KIRREL3: variants seen among roughly 807,000 people sequenced by gnomAD.
KIRREL3 encodes the protein kin of IRRE-like protein 3.
Under a neutral mutation model 89.7 loss-of-function variants are expected in KIRREL3, and 36 were observed. That is an observed-to-expected ratio of 0.40 (90% CI 0.31 to 0.53). The LOEUF (loss-of-function observed/expected upper bound fraction) is 0.53, where lower values mean the gene tolerates loss of function less well. Ranked by LOEUF, KIRREL3 falls within the 20% of genes least tolerant of loss-of-function variation. The probability of loss-of-function intolerance (pLI) is 0.49; values close to 1 mark genes in which losing one functional copy is unlikely to be tolerated. For missense variants in KIRREL3, 864 were observed against 1,056.6 expected (o/e 0.82, Z 2.53); for synonymous variants, 445 against 441.4 (o/e 1.01, Z -0.10).
At chr11:126,662,713 A>C (rs1487453446) in intron 1 of KIRREL3, among the ~76,000 whole-genome samples, 1 of 152,172 alleles carries the variant, frequency 6.6e-6, no homozygotes, top group African/African-American at 2.4e-5. Context: ...TTAGGTTTCA[A>C]CATGAATTTT....
At chr11:126,529,602 CAAAA>C (rs57667466) in intron 2 of KIRREL3, among the ~76,000 whole-genome samples, 1 of 111,798 alleles carries the variant, frequency 8.9e-6, no homozygotes, top group African/African-American at 3.0e-5. Context: ...GACTCGGTCT[CAAAA>C]AAAAAAAAAA....
At position 126,981,805 on chromosome 11, in the gene KIRREL3, T is replaced by C. The variant is rs755513333; in HGVS notation, c.55+18650A>G. 2.6e-5 allele frequency among the ~76,000 whole-genome samples: 4 copies of C among 152,174 alleles called. No individual in the cohort carries two copies. The highest frequency in any genetic ancestry group is 4.4e-5 in the Non-Finnish European group (3 of 67,986). On this transcript the variant is annotated intron_variant, in intron 1 of 16. Coordinates refer to ENST00000525144, the MANE Select transcript of KIRREL3 (RefSeq NM_032531.4). This position sits in a 1 kb window ranked among gnomAD's most constrained non-coding sequence, Gnocchi z 4.2. ...GTGCCTCCCAGCTCTAGGCCTGAGGTTTCTGTTGACAGTGCCTGGAGGAGC... is the reference window on the plus strand; with the variant it reads ...GTGCCTCCCAGCTCTAGGCCTGAGGCTTCTGTTGACAGTGCCTGGAGGAGC...
At chr11:126,511,907 G>T (rs1026684961) in intron 4 of KIRREL3, among the ~76,000 whole-genome samples, 11 of 152,188 alleles carry the variant, frequency 7.2e-5, no homozygotes, top group African/African-American at 2.7e-4. Context: ...CCCTCAGAGG[G>T]CTCCCTGTGC....
rs148642393 is a variant in KIRREL3 at position 126,788,807 on chromosome 11, G to A, written c.55+211648C>T. Among the ~76,000 whole-genome samples, 190 of 152,290 alleles carry A rather than the reference G, an allele frequency of 1.2e-3. No individual in the cohort carries two copies. Among genetic ancestry groups the A allele is most frequent in the African/African-American group, 4.4e-3 (182 of 41,560 alleles). ...TTGTATTATCCGCATCATAGGGCAA[G>A]GAGAGAGAAATAATAGACTCTTCGG... On this transcript the variant is annotated intron_variant, in intron 1 of 16. Transcript: ENST00000525144. This position sits in a 1 kb window ranked among gnomAD's most constrained non-coding sequence, Gnocchi z 4.1.
In KIRREL3 at chr11:126,459,790, T is replaced by G. The variant is rs117740881; in HGVS notation, c.743-3336A>C. On this transcript the variant is annotated intron_variant, in intron 6 of 16. Transcript: ENST00000525144. The surrounding 1 kb of genome is among the most constrained non-coding windows in gnomAD (Gnocchi z 4.8). ...GAGGAGAGGGTGGGAAAAGAGAGAA[T>G]CTTCATGACTCAGTGATTTTGTAGC... 2.6e-5 allele frequency among the ~76,000 whole-genome samples: 4 copies of G among 152,198 alleles called. No individual in the cohort carries two copies. In the East Asian group the frequency reaches 7.7e-4, roughly 29 times the overall value.
rs1939793483 is a variant in KIRREL3, at chr11:126,557,548, G to T, written c.133+5287C>A. Among the ~76,000 whole-genome samples, 1 of 152,142 alleles carries T rather than the reference G, an allele frequency of 6.6e-6. No homozygotes were observed. The highest frequency in any genetic ancestry group is 2.1e-4 in the South Asian group (1 of 4,832). On this transcript the variant is annotated intron_variant, in intron 2 of 16. Transcript: ENST00000525144. The surrounding 1 kb of genome is among the most constrained non-coding windows in gnomAD (Gnocchi z 5.6). Reference sequence around the variant, plus strand: ...GGACTTGCCCAAGCTCACACAGCCGGCTCCTCACTCTTAAGTGCTCCTCCC... The same window carrying T: ...GGACTTGCCCAAGCTCACACAGCCGTCTCCTCACTCTTAAGTGCTCCTCCC...
In KIRREL3 at chr11:126,780,203, G is replaced by T. The variant is rs1431743245; in HGVS notation, c.56-217291C>A. On this transcript the variant is annotated intron_variant, in intron 1 of 16. Coordinates refer to ENST00000525144, the MANE Select transcript of KIRREL3 (RefSeq NM_032531.4). The surrounding 1 kb of genome is among the most constrained non-coding windows in gnomAD (Gnocchi z 5.3). ...AGGAAAACAGGAAAAGACTGCAGAA[G>T]GAAGAAGATAAGGAAGCAACAGAAA... Among the ~76,000 whole-genome samples, 1 of 152,182 alleles carries T rather than the reference G, an allele frequency of 6.6e-6. No homozygotes were observed. The highest frequency in any genetic ancestry group is 2.4e-5 in the African/African-American group (1 of 41,450).
chr11:126,632,197 A>G (rs554231847), intron 1 of KIRREL3, among the ~76,000 whole-genome samples: 1 of 152,358 alleles, frequency 6.6e-6, no homozygotes, highest in South Asian at 2.1e-4. Context: ...TGAGGACCAC[A>G]GATATAAGGC....
chr11:126,846,229 C>G lies in KIRREL3; in HGVS notation c.55+154226G>C, dbSNP rs12270621. ...CTTAATTTCTGGAGATCTGTATTGC[C>G]TTCCAGTTGTGCCTGCTTATTAGGC... On this transcript the variant is annotated intron_variant, in intron 1 of 16. Transcript: ENST00000525144. Among the ~76,000 whole-genome samples the G allele has an allele frequency of 6.0e-3, 908 of 152,222 alleles. 11 individuals are homozygous for G. Among genetic ancestry groups the G allele is most frequent in the African/African-American group, 0.021 (863 of 41,534 alleles).
intron 4 of KIRREL3, among the ~76,000 whole-genome samples, chr11:126,517,116 G>A (rs1224466213): frequency 6.9e-6 from 1 of 144,074 alleles, no homozygotes; most frequent in Non-Finnish European, 1.5e-5. Flanking sequence ...CACTGTTAGA[G>A]ATTGAGAGAG....
Position 126,527,281 on chromosome 11 carries a change from G to A in KIRREL3, c.134-594C>T, listed in dbSNP as rs756498536. On this transcript the variant is annotated intron_variant, in intron 2 of 16. Transcript: ENST00000525144. The surrounding 1 kb of genome is among the most constrained non-coding windows in gnomAD (Gnocchi z 4.2). ...CTGAGGAGGCGTGCCATCCTACCGTGTCCTCCCTGTCCCTTTCTTTTCTGC... is the reference window on the plus strand; with the variant it reads ...CTGAGGAGGCGTGCCATCCTACCGTATCCTCCCTGTCCCTTTCTTTTCTGC... Among the ~76,000 whole-genome samples the A allele has an allele frequency of 9.9e-5, 15 of 152,016 alleles. No individual in the cohort carries two copies. Among genetic ancestry groups the A allele is most frequent in the Non-Finnish European group, 1.8e-4 (12 of 68,010 alleles).
intron 1 of KIRREL3, among the ~76,000 whole-genome samples, chr11:126,915,956 CT>C (rs760972815): frequency 1.3e-5 from 2 of 152,180 alleles, no homozygotes; most frequent in Non-Finnish European, 2.9e-5. Context: ...CTCATCTGCT[CT>C]CTTCGTGCAA....
chr11:126,821,871 G>A (rs939518), intron 1 of KIRREL3, among the ~76,000 whole-genome samples: 37,989 of 152,042 alleles, frequency 0.25, 4,789 homozygotes, highest in Admixed American at 0.31. Flanking sequence ...GCCTCTGGAA[G>A]GTGGAAAAGG....
chr11:126,528,572 T>C lies in KIRREL3; in HGVS notation c.134-1885A>G, dbSNP rs1470572416. On this transcript the variant is annotated intron_variant, in intron 2 of 16. Coordinates refer to ENST00000525144, the MANE Select transcript of KIRREL3 (RefSeq NM_032531.4). The surrounding 1 kb of genome is among the most constrained non-coding windows in gnomAD (Gnocchi z 4.6). ...CCTTGAATTGTGGGAGTAACACTTT[T>C]TATTCTGATTTGAGCTTTACAAATT... 6.6e-6 allele frequency among the ~76,000 whole-genome samples: 1 copy of C among 152,220 alleles called. No individual in the cohort carries two copies. The highest frequency in any genetic ancestry group is 1.5e-5 in the Non-Finnish European group (1 of 68,048).
chr11:126,810,427 T>TGGGA (rs1320342840), intron 1 of KIRREL3, among the ~76,000 whole-genome samples: 14 of 152,314 alleles, frequency 9.2e-5, no homozygotes, highest in South Asian at 8.3e-4. Context: ...GCCTTTCTTC[T>TGGGA]GGTCAGCACT....
intron 1 of KIRREL3, among the ~76,000 whole-genome samples, chr11:126,625,495 C>T (rs967349953): frequency 6.6e-6 from 1 of 152,170 alleles, no homozygotes; most frequent in Non-Finnish European, 1.5e-5. Context: ...CTCCATACTG[C>T]TGCTTACATT....
chr11:126,822,809 C>T (rs905987781), intron 1 of KIRREL3, among the ~76,000 whole-genome samples: 1 of 152,146 alleles, frequency 6.6e-6, no homozygotes, highest in Non-Finnish European at 1.5e-5. Context: ...TCTCCACGGC[C>T]TCTCCAAGTG....
chr11:126,473,542 T>C lies in KIRREL3; in HGVS notation c.434-76A>G, dbSNP rs1956984181. The C allele has an allele frequency of 2.5e-5, 32 of 1,280,420 alleles. No homozygotes were observed. In the South Asian group the frequency reaches 4.9e-4, roughly 20 times the overall value. 79.3% of individuals were successfully genotyped at this position (1,280,420 alleles called of 1,614,324 possible). A position where few individuals can be genotyped will look rare whatever the true frequency, so the allele number is the denominator to read the frequency against. On this transcript the variant is annotated intron_variant, in intron 4 of 16. Coordinates refer to ENST00000525144, the MANE Select transcript of KIRREL3 (RefSeq NM_032531.4). Reference sequence around the variant, plus strand: ...GACGGCAGGCAGGCTGGGAGGATTTTGTGGAGATGGCAACAAACAATAATT... The same window carrying C: ...GACGGCAGGCAGGCTGGGAGGATTTCGTGGAGATGGCAACAAACAATAATT...
At chr11:126,971,695 G>A (rs890970288) in intron 1 of KIRREL3, among the ~76,000 whole-genome samples, 13 of 152,132 alleles carry the variant, frequency 8.5e-5, no homozygotes, top group African/African-American at 2.4e-4. Flanking sequence ...GTCATAAATC[G>A]TCTGTAACCC....
Sources: gnomAD v4.1 joint callset for allele counts (sites outside exome capture counted in the v4.1 genomes callset) on GRCh38, gnomAD v4.1.1 for gene constraint, Gnocchi (gnomAD v3.1) non-coding constraint, MANE v1.5 for transcripts, NCBI Gene and HGNC (gene_info 2026-07-23, HGNC 2026-07-21) for gene names.